Variants in PHACTR2 observed in about 807,000 individuals in gnomAD.
PHACTR2 encodes the protein chromosome 6 open reading frame 56.
In PHACTR2, 30 loss-of-function variants were observed where a neutral mutation model predicts 76.0. The observed-to-expected ratio is 0.39, with a 90% CI of 0.30 to 0.54. The LOEUF (loss-of-function observed/expected upper bound fraction) is 0.54, where lower values mean the gene tolerates loss of function less well. PHACTR2 is among the 20% of genes least tolerant of loss of function. The probability of loss-of-function intolerance (pLI) is 0.61; values close to 1 mark genes in which losing one functional copy is unlikely to be tolerated. For missense variants in PHACTR2, 696 were observed against 781.1 expected (o/e 0.89, Z 1.30); for synonymous variants, 292 against 292.5 (o/e 1.00, Z 0.02).
chr6:143,631,681 A>G (rs1047758087), intron 1 of PHACTR2, among the ~76,000 whole-genome samples: 3 of 152,152 alleles, frequency 2.0e-5, no homozygotes, highest in Non-Finnish European at 4.4e-5. Context: ...TTCAAACCCC[A>G]CAAACGAGGT....
At chr6:143,572,196 A>G (rs1365776587) in intron 1 of PHACTR2, among the ~76,000 whole-genome samples, 1 of 152,154 alleles carries the variant, frequency 6.6e-6, no homozygotes, top group Admixed American at 6.5e-5. Context: ...CCCCGTGTAA[A>G]TATCTTCTGC....
rs1779225481 is a variant in PHACTR2 at position 143,753,278 on chromosome 6, T to TGGAAA, written c.296-476_296-475insGGAAA. Among the ~76,000 whole-genome samples the TGGAAA allele has an allele frequency of 6.6e-6, 1 of 152,196 alleles. No homozygotes were observed. The highest frequency in any genetic ancestry group is 1.5e-5 in the Non-Finnish European group (1 of 68,016). ...ACTTAATATATTCTGGAACCAGTAG[T>TGGAAA]ACTTGGAAATTTTCATATTCTCCCA... On this transcript the variant is annotated intron_variant, in intron 3 of 12. Coordinates refer to ENST00000440869, the MANE Select transcript of PHACTR2 (RefSeq NM_001100164.2). This position sits in a 1 kb window ranked among gnomAD's most constrained non-coding sequence, Gnocchi z 4.6.
chr6:143,649,105 C>T (rs950510859), intron 1 of PHACTR2, among the ~76,000 whole-genome samples: 3 of 152,198 alleles, frequency 2.0e-5, no homozygotes, highest in African/African-American at 7.2e-5. Context: ...TTCCACATGG[C>T]TTCTGTATGA....
rs151118826 is a variant in PHACTR2, at chr6:143,619,638, A to G, written c.13+11316A>G. 1.3e-5 allele frequency among the ~76,000 whole-genome samples: 2 copies of G among 152,294 alleles called. No individual in the cohort carries two copies. The highest frequency in any genetic ancestry group is 2.9e-5 in the Non-Finnish European group (2 of 68,030). ...TGGAAAGGGACTCGGTAGCTTTTGTATCATTAACTGAGACTTGCTTAAAAC... is the reference window on the plus strand; with the variant it reads ...TGGAAAGGGACTCGGTAGCTTTTGTGTCATTAACTGAGACTTGCTTAAAAC... On this transcript the variant is annotated intron_variant, in intron 1 of 11. Transcript: ENST00000305766. The surrounding 1 kb of genome is among the most constrained non-coding windows in gnomAD (Gnocchi z 4.5).
chr6:143,732,274 A>G (rs1371421317), intron 2 of PHACTR2, among the ~76,000 whole-genome samples: 1 of 152,090 alleles, frequency 6.6e-6, no homozygotes, highest in Non-Finnish European at 1.5e-5. Flanking sequence ...GAAATCCCAT[A>G]CTCATTAGCA....
intron 1 of PHACTR2, among the ~76,000 whole-genome samples, chr6:143,670,906 T>G (rs1777142431): frequency 6.7e-6 from 1 of 150,168 alleles, no homozygotes; most frequent in Non-Finnish European, 1.5e-5. Context: ...TCTGATTCTT[T>G]GGAGGAGAAG....
At chr6:143,586,434 A>G (rs1488229313) in intron 1 of PHACTR2, among the ~76,000 whole-genome samples, 1 of 152,254 alleles carries the variant, frequency 6.6e-6, no homozygotes, top group African/African-American at 2.4e-5. Context: ...TAAATTATTG[A>G]TGCAGAGCAG....
rs1779339750 is a variant in PHACTR2, at chr6:143,757,954, C to G, written c.455-2447C>G. Among the ~76,000 whole-genome samples, 3 of 114,864 alleles carry G rather than the reference C, an allele frequency of 2.6e-5. No homozygotes were observed. The highest frequency in any genetic ancestry group is 5.4e-5 in the Non-Finnish European group (3 of 55,834). 75.4% of individuals were successfully genotyped at this position (114,864 alleles called of 152,430 possible). ...ATGTCCCTGCGTGTGTGTGCATGCA[C>G]ACGTGCGCGCACACACACACACACA... On this transcript the variant is annotated intron_variant, in intron 4 of 12. Coordinates refer to ENST00000440869, the MANE Select transcript of PHACTR2 (RefSeq NM_001100164.2). This position sits in a 1 kb window ranked among gnomAD's most constrained non-coding sequence, Gnocchi z 4.2.
At position 143,543,871 on chromosome 6, in the gene PHACTR2, A is replaced by G. The variant is rs1408834322; in HGVS notation, c.217+6664A>G. On this transcript the variant is annotated intron_variant, in intron 1 of 11. Transcript: ENST00000367584. This position sits in a 1 kb window ranked among gnomAD's most constrained non-coding sequence, Gnocchi z 4.7. ...TATATTCTGACATGAACACTGAAAG[A>G]CAGAGACAATGGTAGAAAGAGCACA... 6.6e-6 allele frequency among the ~76,000 whole-genome samples: 1 copy of G among 152,208 alleles called. No homozygotes were observed. Among genetic ancestry groups the G allele is most frequent in the African/African-American group, 2.4e-5 (1 of 41,450 alleles).
At chr6:143,810,119 A>T (rs1209822224) in intron 12 of PHACTR2, among the ~76,000 whole-genome samples, 2 of 152,164 alleles carry the variant, frequency 1.3e-5, no homozygotes, top group Non-Finnish European at 1.5e-5. Context: ...TCGAAAAAAA[A>T]ATTATGTATA....
rs146228731 is a variant in PHACTR2 at position 143,562,834 on chromosome 6, A to G, written c.217+25627A>G. Among the ~76,000 whole-genome samples the G allele has an allele frequency of 1.6e-4, 24 of 152,380 alleles. No homozygotes were observed. The East Asian group carries it at 3.9e-3, about 24-fold the overall frequency. On this transcript the variant is annotated intron_variant, in intron 1 of 11. Transcript: ENST00000367584. The surrounding 1 kb of genome is among the most constrained non-coding windows in gnomAD (Gnocchi z 5.1). ...AGCCATAAAGAGGAACATATGCTGC[A>G]ACATGGCTTGAAAACATTCTGCTCA...
At chr6:143,692,395 C>T (rs1402972039) in intron 1 of PHACTR2, among the ~76,000 whole-genome samples, 6 of 152,154 alleles carry the variant, frequency 3.9e-5, no homozygotes, top group Admixed American at 3.9e-4. Context: ...GAGCTCATGC[C>T]GTGGGTTCCT....
In PHACTR2 at chr6:143,552,412, A is replaced by C. The variant is rs370344638; in HGVS notation, c.217+15205A>C. 3.2e-4 allele frequency among the ~76,000 whole-genome samples: 48 copies of C among 152,320 alleles called. No individual in the cohort carries two copies. In the East Asian group the frequency reaches 7.5e-3, roughly 24 times the overall value. ...GGAGTAGGAGTTGAAGGGAAGTTTAAGGAGCAAAACCACAAATGGAAATAA... is the reference window on the plus strand; with the variant it reads ...GGAGTAGGAGTTGAAGGGAAGTTTACGGAGCAAAACCACAAATGGAAATAA... On this transcript the variant is annotated intron_variant, in intron 1 of 11. Transcript: ENST00000367584.
chr6:143,563,194 G>A, intron 1 of PHACTR2, among the ~76,000 whole-genome samples: 1 of 152,110 alleles, frequency 6.6e-6, no homozygotes, highest in Non-Finnish European at 1.5e-5. Context: ...TAGCAGTAAA[G>A]TGTTCCAATG....
In PHACTR2 at chr6:143,760,354, G is replaced by A; in HGVS notation, c.455-47G>A. On this transcript the variant is annotated intron_variant, in intron 4 of 12. Transcript: ENST00000440869. The surrounding 1 kb of genome is among the most constrained non-coding windows in gnomAD (Gnocchi z 6.4). The stretch of plus-strand genomic sequence containing the variant: ...CATGTCTTGCTCCTTGTGTTTATAT[G>A]GTGTGTGTCTGTATCAGTCTGCTTC... The A allele has an allele frequency of 1.3e-6, 2 of 1,545,118 alleles. No individual in the cohort carries two copies. The highest frequency in any genetic ancestry group is 2.4e-5 in the South Asian group (2 of 84,596).
chr6:143,783,245 G>A lies in PHACTR2; in HGVS notation c.1672G>A (p.Ala558Thr). The change falls in exon 10 of 13, where the codon GCA becomes ACA. Residue 558 changes from alanine to threonine, a missense_variant. Around this residue, in one of 2 missense-constraint regions of PHACTR2, gnomAD observed 236 missense variants for 330.2 expected, o/e 0.71. Transcript: ENST00000440869. This position sits in a 1 kb window ranked among gnomAD's most constrained non-coding sequence, Gnocchi z 5.2. ...AAAGAATGAAGAAGAGGAACAAGAA[G>A]CAAAAATGGAACTTAAACGCAGACT... ...KQKNEEEEQE[A>T]KMELKRRLSR... 1 of 1,609,074 alleles carries A rather than the reference G, an allele frequency of 6.2e-7. No homozygotes were observed. Among genetic ancestry groups the A allele is most frequent in the South Asian group, 1.1e-5 (1 of 90,792 alleles).
intron 1 of PHACTR2, among the ~76,000 whole-genome samples, chr6:143,565,302 A>G (rs1259865996): frequency 1.3e-5 from 2 of 152,220 alleles, no homozygotes; most frequent in African/African-American, 4.8e-5. Context: ...AGAAAAAAGA[A>G]AAAGTACAGC....
rs538512833 is a variant in PHACTR2 at position 143,765,445 on chromosome 6, C to T, written c.879C>T (p.Asp293=). 1 of 1,614,214 alleles carries T rather than the reference C, an allele frequency of 6.2e-7. No homozygotes were observed. Among genetic ancestry groups the T allele is most frequent in the South Asian group, 1.1e-5 (1 of 91,084 alleles). ...KQPITSHLSS[D]TTTSGTSDLK... ...CAATAACTTCTCACCTGTCCTCAGACACAACAACTTCTGGCACATCCGACC... is the reference window on the plus strand; with the variant it reads ...CAATAACTTCTCACCTGTCCTCAGATACAACAACTTCTGGCACATCCGACC... The change falls in exon 6 of 13, where the codon GAC becomes GAT. Residue 293 remains aspartate, a synonymous_variant. Transcript: ENST00000440869. The surrounding 1 kb of genome is among the most constrained non-coding windows in gnomAD (Gnocchi z 4.1).
At chr6:143,763,465 C>T (rs1423143118) in intron 5 of PHACTR2, among the ~76,000 whole-genome samples, 1 of 152,116 alleles carries the variant, frequency 6.6e-6, no homozygotes, top group African/African-American at 2.4e-5. Flanking sequence ...GGTTAGGCAC[C>T]GAATCCTTAG....
Sources: allele counts gnomAD v4.1 joint callset (sites outside exome capture counted in the v4.1 genomes callset), GRCh38; gene constraint gnomAD v4.1.1; regional missense constraint gnomAD v4.1.1; non-coding constraint Gnocchi (gnomAD v3.1); transcripts MANE v1.5; gene names NCBI Gene and HGNC (gene_info 2026-07-23, HGNC 2026-07-21).